Variants in ATRNL1 observed in about 807,000 individuals in gnomAD.
The protein encoded by ATRNL1 is attractin like 1.
A neutral mutation model predicts 182.7 loss-of-function variants in ATRNL1; 95 were observed. That is an observed-to-expected ratio of 0.52 (90% CI 0.44 to 0.62). The LOEUF (loss-of-function observed/expected upper bound fraction) is 0.62. Among genes scored for constraint, ATRNL1 ranks in the 20% least tolerant of loss-of-function variants. ATRNL1 has a pLI of 0.00. For missense variants in ATRNL1, 1,471 were observed against 1,679.5 expected (o/e 0.88, Z 2.17); for synonymous variants, 576 against 568.3 (o/e 1.01, Z -0.19).
chr10:115,597,162 A>C (rs1555014257), intron 26 of ATRNL1, among the ~76,000 whole-genome samples: 1 of 152,126 alleles, frequency 6.6e-6, no homozygotes, highest in African/African-American at 2.4e-5. Flanking sequence ...TAAGGTAATA[A>C]TTTTTCTCTA....
In ATRNL1 at chr10:115,297,130, T is replaced by G. The variant is rs1853233538; in HGVS notation, c.2416-2904T>G. Among the ~76,000 whole-genome samples, 2 of 10,748 alleles carry G rather than the reference T, an allele frequency of 1.9e-4. 1 individual carries two copies. Among genetic ancestry groups the G allele is most frequent in the African/African-American group, 4.1e-4 (2 of 4,852 alleles). The allele number at this position is 10,748 out of a possible 152,430, so 7.1% of individuals were successfully genotyped here. ...AGAGGCCAGAGAAATGCCTAAGTCT[T>G]TTCTCTTGTCTTGAGAGCTACTAGC... On this transcript the variant is annotated intron_variant, in intron 15 of 28. Transcript: ENST00000355044.
At chr10:115,552,087 GT>G (rs2133815163) in intron 26 of ATRNL1, among the ~76,000 whole-genome samples, 1 of 151,454 alleles carries the variant, frequency 6.6e-6, no homozygotes, top group East Asian at 1.9e-4. Flanking sequence ...AGTATCCACA[GT>G]TTTAGGCATC....
intron 28 of ATRNL1, among the ~76,000 whole-genome samples, chr10:115,886,259 A>T (rs1430785664): frequency 1.3e-5 from 2 of 152,244 alleles, no homozygotes; most frequent in African/African-American, 4.8e-5. Context: ...CAAGAAGTTG[A>T]TACCATATTC....
chr10:115,516,023 G>A (rs1345516810), intron 24 of ATRNL1, among the ~76,000 whole-genome samples: 1 of 151,546 alleles, frequency 6.6e-6, no homozygotes, highest in East Asian at 1.9e-4. Context: ...CTGTCTCCTA[G>A]GGACTATCAA....
At chr10:115,836,087 A>G (rs1234894832) in intron 27 of ATRNL1, among the ~76,000 whole-genome samples, 3 of 152,208 alleles carry the variant, frequency 2.0e-5, no homozygotes, top group Non-Finnish European at 4.4e-5. Flanking sequence ...CTAAGGAGCA[A>G]TTACAACTAT....
At chr10:115,436,759 G>A (rs960328556) in intron 21 of ATRNL1, among the ~76,000 whole-genome samples, 11 of 151,990 alleles carry the variant, frequency 7.2e-5, no homozygotes, top group African/African-American at 1.2e-4. Context: ...ATTTACTTGC[G>A]TTTACTGACT....
At chr10:115,358,174 TCTCA>T (rs1856585544) in intron 19 of ATRNL1, among the ~76,000 whole-genome samples, 1 of 151,724 alleles carries the variant, frequency 6.6e-6, no homozygotes, top group Non-Finnish European at 1.5e-5. Context: ...GCATGAATGC[TCTCA>T]CTATGTATTT....
At chr10:115,924,236 G>A (rs1210707150) in intron 28 of ATRNL1, among the ~76,000 whole-genome samples, 1 of 152,124 alleles carries the variant, frequency 6.6e-6, no homozygotes, top group Non-Finnish European at 1.5e-5. Flanking sequence ...TTGCTGTGCA[G>A]AAGCTCTTTA....
intron 26 of ATRNL1, among the ~76,000 whole-genome samples, chr10:115,593,954 A>G (rs957754579): frequency 1.3e-5 from 2 of 152,064 alleles, no homozygotes; most frequent in African/African-American, 4.8e-5. Flanking sequence ...TAAATGACCC[A>G]AGAGAGATGG....
intron 28 of ATRNL1, among the ~76,000 whole-genome samples, chr10:115,852,359 A>C (rs1555100758): frequency 6.6e-6 from 1 of 152,230 alleles, no homozygotes; most frequent in Non-Finnish European, 1.5e-5. Flanking sequence ...CATAATGTTT[A>C]AAATGATAGT....
chr10:115,637,404 C>G (rs2804251), intron 26 of ATRNL1, among the ~76,000 whole-genome samples: 78,183 of 151,600 alleles, frequency 0.52, 21,323 homozygotes, highest in East Asian at 0.96. Context: ...TTTAAAAAAA[C>G]TTTAAAAAGT....
chr10:115,835,100 G>T (rs1299145401), intron 27 of ATRNL1, among the ~76,000 whole-genome samples: 3 of 152,042 alleles, frequency 2.0e-5, no homozygotes, highest in Non-Finnish European at 4.4e-5. Context: ...ATATAAAGTT[G>T]CAGTTTTCCA....
intron 19 of ATRNL1, among the ~76,000 whole-genome samples, chr10:115,369,543 T>C (rs1857276044): frequency 6.6e-6 from 1 of 152,222 alleles, no homozygotes; most frequent in South Asian, 2.1e-4. Flanking sequence ...GGGGAGTGCA[T>C]ATATCTCTTT....
chr10:115,235,628 C>A (rs1335982939), intron 9 of ATRNL1, among the ~76,000 whole-genome samples: 2 of 152,000 alleles, frequency 1.3e-5, no homozygotes, highest in African/African-American at 4.8e-5. Flanking sequence ...TTTTAAAAAT[C>A]TATTTGTCAA....
At chr10:115,695,214 A>G (rs1555049417) in intron 26 of ATRNL1, among the ~76,000 whole-genome samples, 1 of 152,128 alleles carries the variant, frequency 6.6e-6, no homozygotes, top group Admixed American at 6.6e-5. Context: ...TACCAAATTC[A>G]ATTTTGGCTA....
intron 26 of ATRNL1, among the ~76,000 whole-genome samples, chr10:115,661,942 C>A (rs1368235197): frequency 6.9e-6 from 1 of 144,410 alleles, no homozygotes; most frequent in African/African-American, 2.6e-5. Context: ...TCCCACCCCA[C>A]AACAGGCCCC....
chr10:115,439,443 G>T (rs1183018958), intron 21 of ATRNL1, among the ~76,000 whole-genome samples: 2 of 151,738 alleles, frequency 1.3e-5, no homozygotes, highest in East Asian at 1.9e-4. Flanking sequence ...AATACTGCAT[G>T]TTCATTCTAG....
intron 15 of ATRNL1, among the ~76,000 whole-genome samples, chr10:115,288,506 C>G (rs2133944232): frequency 6.7e-6 from 1 of 149,734 alleles, no homozygotes; most frequent in South Asian, 2.1e-4. Context: ...TTGTTGGTCA[C>G]TTGTATGTCT....
At chr10:115,751,589 G>T (rs1948450249) in intron 27 of ATRNL1, among the ~76,000 whole-genome samples, 1 of 152,058 alleles carries the variant, frequency 6.6e-6, no homozygotes, top group South Asian at 2.1e-4. Context: ...ATTGTAAAAA[G>T]ATTTTTCAGC....
Sources: allele counts gnomAD v4.1 joint callset (sites outside exome capture counted in the v4.1 genomes callset), GRCh38; gene constraint gnomAD v4.1.1; transcripts MANE v1.5; gene names NCBI Gene and HGNC (gene_info 2026-07-23, HGNC 2026-07-21).